Variants in OPHN1 observed in about 807,000 individuals in gnomAD.
OPHN1 encodes oligophrenin 1.
Under a neutral mutation model 60.7 loss-of-function variants are expected in OPHN1, and 11 were observed. That is an observed-to-expected ratio of 0.18 (90% CI 0.11 to 0.30). The LOEUF is 0.30. Ranked by LOEUF, OPHN1 falls within the 10% of genes least tolerant of loss-of-function variation. The probability of loss-of-function intolerance (pLI) is 1.00; values close to 1 mark genes in which losing one functional copy is unlikely to be tolerated. For synonymous variants in OPHN1, 226 were observed against 222.6 expected, an observed-to-expected ratio of 1.02 and a Z score of -0.14; for missense variants, 449 against 611.0, an observed-to-expected ratio of 0.73 and a Z score of 2.80.
chrX:68,272,216 G>A (rs372075260), intron 5 of OPHN1, among the ~76,000 whole-genome samples: 30 of 111,520 alleles, frequency 2.7e-4, no homozygotes, highest in African/African-American at 9.5e-4. Context: ...TTGGAGACAT[G>A]ACTCATACTA....
chrX:68,319,442 G>GA (rs35414479), intron 2 of OPHN1, among the ~76,000 whole-genome samples: 3 of 106,821 alleles, frequency 2.8e-5, no homozygotes, highest in East Asian at 2.9e-4. Context: ...ACCTATAAAA[G>GA]AAAAAAAAAA....
At chrX:68,201,803 C>CGT in intron 10 of OPHN1, 93 bp from the exon 11 acceptor site, 4 of 724,898 alleles carry the variant, frequency 5.5e-6, no homozygotes, top group Admixed American at 4.5e-5. Flanking sequence ...ACTTGGAAGG[C>CGT]GTCTGGTCAA....
intron 6 of OPHN1, among the ~76,000 whole-genome samples, chrX:68,230,209 A>G (rs2077720520): frequency 9.0e-6 from 1 of 111,539 alleles, no homozygotes; most frequent in Non-Finnish European, 1.9e-5. Context: ...CAAAACCACA[A>G]TGAGATACCA....
At chrX:68,298,854 G>T in intron 3 of OPHN1, 147 bp downstream of exon 3, 1 of 385,810 alleles carries the variant, frequency 2.6e-6, no homozygotes, top group Admixed American at 3.3e-5. Context: ...AAAGTTTCCT[G>T]ATCCTTCCTA....
At chrX:68,273,059 T>C (rs976613671) in intron 5 of OPHN1, among the ~76,000 whole-genome samples, 4 of 111,859 alleles carry the variant, frequency 3.6e-5, no homozygotes, top group African/African-American at 1.3e-4. Flanking sequence ...CCCATGTCAA[T>C]CTGATGATAG....
chrX:68,108,826 T>G (rs1262974213), intron 18 of OPHN1, among the ~76,000 whole-genome samples: 1 of 111,571 alleles, frequency 9.0e-6, no homozygotes, highest in Non-Finnish European at 1.9e-5. Flanking sequence ...GGTTTATAAT[T>G]TTTGATTTAA....
At chrX:68,399,682 A>AAAATAAAT (rs138227941) in intron 2 of OPHN1, among the ~76,000 whole-genome samples, 1 of 102,869 alleles carries the variant, frequency 9.7e-6, no homozygotes, top group Non-Finnish European at 2.0e-5. Context: ...TAAATAAATA[A>AAAATAAAT]AAATAAATAA....
Position 68,070,498 on chromosome X carries a change from G to T in OPHN1, c.1834+2654C>A. 8.1e-6 allele frequency: 5 copies of T among 619,311 alleles called. No individual in the cohort carries two copies. The South Asian group carries it at 1.1e-4, about 14-fold the overall frequency. The allele number at this position is 619,311 out of a possible 1,213,427, so 51.0% of individuals were successfully genotyped here. The stretch of plus-strand genomic sequence containing the variant: ...TAAGTTGACTTAGGGGCTGTGCACA[G>T]GAACTAAAAGGCAGAAAAGTACTAA... On this transcript the variant is annotated intron_variant, in intron 20 of 24. Coordinates refer to ENST00000355520, the MANE Select transcript of OPHN1 (RefSeq NM_002547.3).
At chrX:68,325,586 G>T (rs866196266) in intron 2 of OPHN1, among the ~76,000 whole-genome samples, 9 of 66,022 alleles carry the variant, frequency 1.4e-4, no homozygotes, top group African/African-American at 8.5e-4. Flanking sequence ...TTAAACTTTT[G>T]GATAAAGACC....
chrX:68,279,089 C>T (rs1175908196), intron 4 of OPHN1, among the ~76,000 whole-genome samples: 4 of 95,471 alleles, frequency 4.2e-5, no homozygotes, highest in Admixed American at 1.2e-4. Context: ...CTTTTCAAGG[C>T]CCTCCCCCGC....
chrX:68,378,846 T>C (rs1348219737), intron 2 of OPHN1, among the ~76,000 whole-genome samples: 1 of 111,884 alleles, frequency 8.9e-6, no homozygotes, highest in African/African-American at 3.2e-5. Context: ...CCTTGTAGTA[T>C]AGCTTGAAAT....
At chrX:68,278,479 T>A (rs1346293913) in intron 4 of OPHN1, among the ~76,000 whole-genome samples, 1 of 112,831 alleles carries the variant, frequency 8.9e-6, no homozygotes, top group East Asian at 2.8e-4. Flanking sequence ...ATCATCAGAA[T>A]CCTATTGAAT....
intron 2 of OPHN1, among the ~76,000 whole-genome samples, chrX:68,404,245 C>T (rs748112287): frequency 3.7e-5 from 4 of 108,296 alleles, no homozygotes; most frequent in Non-Finnish European, 7.7e-5. Flanking sequence ...CTGCGACCTC[C>T]GCCTCCCAGG....
At chrX:68,229,765 A>G (rs2077717884) in intron 6 of OPHN1, among the ~76,000 whole-genome samples, 1 of 112,568 alleles carries the variant, frequency 8.9e-6, no homozygotes, top group African/African-American at 3.2e-5. Flanking sequence ...AATTAATTCA[A>G]GAAGGATTAA....
chrX:68,065,006 G>C (rs868320284), intron 20 of OPHN1, among the ~76,000 whole-genome samples: 10 of 110,694 alleles, frequency 9.0e-5, no homozygotes, highest in South Asian at 7.9e-4. Context: ...GTGGGCGGAG[G>C]GGGGAGGGAA....
intron 2 of OPHN1, among the ~76,000 whole-genome samples, chrX:68,317,299 CAA>C (rs1204792285): frequency 2.3e-5 from 1 of 44,372 alleles, no homozygotes. Flanking sequence ...AAATCTGTCT[CAA>C]AAAAAAAAAG....
intron 3 of OPHN1, among the ~76,000 whole-genome samples, chrX:68,298,525 T>C (rs1243969953): frequency 9.0e-6 from 1 of 111,563 alleles, no homozygotes; most frequent in Non-Finnish European, 1.9e-5. Flanking sequence ...AAATATCTTC[T>C]CCAAGATTAT....
At chrX:68,359,828 C>T (rs1380715511) in intron 2 of OPHN1, among the ~76,000 whole-genome samples, 2 of 95,864 alleles carry the variant, frequency 2.1e-5, no homozygotes, top group African/African-American at 8.3e-5. Flanking sequence ...TGCACTCCAG[C>T]CTGGGCGACA....
At position 68,363,263 on chromosome X, in the gene OPHN1, A is replaced by T. The variant is rs758617909; in HGVS notation, c.155-64167T>A. On this transcript the variant is annotated intron_variant, in intron 2 of 24. Coordinates refer to ENST00000355520, the MANE Select transcript of OPHN1 (RefSeq NM_002547.3). Reference sequence around the variant, plus strand: ...CTCCATCTCAAAGACAAATTTTTTTAAAAAAAATTTAAATAATAAAAAAAT... The same window carrying T: ...CTCCATCTCAAAGACAAATTTTTTTTAAAAAAATTTAAATAATAAAAAAAT... Among the ~76,000 whole-genome samples, 272 of 110,742 alleles carry T rather than the reference A, an allele frequency of 2.5e-3. 1 individual carries two copies. The highest frequency in any genetic ancestry group is 2.9e-3 in the Non-Finnish European group (155 of 52,908).
Sources: gnomAD v4.1 joint callset for allele counts (sites outside exome capture counted in the v4.1 genomes callset) on GRCh38, gnomAD v4.1.1 for gene constraint, MANE v1.5 for transcripts, NCBI Gene and HGNC (gene_info 2026-07-23, HGNC 2026-07-21) for gene names.